Variants in THOC5 observed in about 807,000 individuals in gnomAD.
THOC5 encodes the protein THO complex subunit 5.
Under a neutral mutation model 92.9 loss-of-function variants are expected in THOC5, and 43 were observed. The observed-to-expected ratio is 0.46, with a 90% CI of 0.36 to 0.60. The LOEUF is 0.60. THOC5 is among the 20% of genes least tolerant of loss of function. The pLI is 0.00. For synonymous variants in THOC5, 296 were observed against 320.1 expected (o/e 0.92, Z 0.80); for missense variants, 659 against 849.4 (o/e 0.78, Z 2.79).
At chr22:29,511,328 T>C (rs930410848) in intron 18 of THOC5, 32 bp from the exon 19 acceptor site, 2 of 1,593,946 alleles carry the variant, frequency 1.3e-6, no homozygotes, top group Non-Finnish European at 1.7e-6. Context: ...ATCTCAGCAC[T>C]ACCTTCCTGC....
chr22:29,518,018 CAG>C (rs1466159492), intron 15 of THOC5, among the ~76,000 whole-genome samples: 3 of 152,126 alleles, frequency 2.0e-5, no homozygotes, highest in Non-Finnish European at 4.4e-5. Context: ...CCTTTCCTGA[CAG>C]AGACTCTTTT....
chr22:29,543,803 A>G (rs2063954088), intron 3 of THOC5, among the ~76,000 whole-genome samples: 1 of 152,200 alleles, frequency 6.6e-6, no homozygotes, highest in Admixed American at 6.5e-5. Context: ...GGCACAATCT[A>G]TCTCTACAGA....
chr22:29,528,374 GC>G (rs2063585769), intron 10 of THOC5, 51 bp downstream of exon 10: 7 of 1,613,884 alleles, frequency 4.3e-6, no homozygotes, highest in Non-Finnish European at 5.1e-6. Flanking sequence ...GAACAAGCAT[GC>G]CCCAGTGCAT....
At chr22:29,531,170 A>T in intron 8 of THOC5, 2 of 1,121,210 alleles carry the variant, frequency 1.8e-6, no homozygotes, top group Non-Finnish European at 2.2e-6. Flanking sequence ...GACGAGGAAG[A>T]CACAAGAAGA....
intron 11 of THOC5, 74 bp downstream of exon 11, chr22:29,528,004 G>T: frequency 6.9e-7 from 1 of 1,452,474 alleles, no homozygotes; most frequent in South Asian, 1.2e-5. Context: ...TTTGGCTCCC[G>T]GACCCTCTGC....
intron 11 of THOC5, among the ~76,000 whole-genome samples, chr22:29,526,905 G>A (rs2063556191): frequency 6.6e-6 from 1 of 152,158 alleles, no homozygotes; most frequent in Non-Finnish European, 1.5e-5. Context: ...AATGCACTTT[G>A]AGACCCTGGC....
chr22:29,528,363 C>T (rs774946867), intron 10 of THOC5, 63 bp downstream of exon 10: 13 of 1,613,970 alleles, frequency 8.1e-6, no homozygotes, highest in African/African-American at 4.0e-5. Flanking sequence ...ACGGCACCTG[C>T]GAACAAGCAT....
intron 8 of THOC5, 73 bp downstream of exon 8, chr22:29,531,758 G>A (rs2063659329): frequency 1.9e-6 from 3 of 1,565,000 alleles, no homozygotes; most frequent in Admixed American, 1.8e-5. Context: ...AGCAGGTACT[G>A]CTTCCAACTG....
In THOC5 at chr22:29,507,850, G is replaced by GA. The variant is rs1377568755; in HGVS notation, c.*606dup. On this transcript the variant is annotated 3_prime_UTR_variant, in exon 20 of 20. Coordinates refer to ENST00000490103, the MANE Select transcript of THOC5 (RefSeq NM_003678.5). ...TTTAGGGAGTCAAAAGTTATACACG[G>GA]ATTTTTCAACTGTGCAGGGCAGGGG... 1 of 152,806 alleles carries GA rather than the reference G, an allele frequency of 6.5e-6. No individual in the cohort carries two copies. Among genetic ancestry groups the GA allele is most frequent in the Non-Finnish European group, 1.5e-5 (1 of 68,576 alleles). 9.5% of individuals were successfully genotyped at this position (152,806 alleles called of 1,614,324 possible).
At position 29,526,314 on chromosome 22, in the gene THOC5, T is replaced by C. The variant is rs190896524; in HGVS notation, c.1067-368A>G. 8.6e-3 allele frequency among the ~76,000 whole-genome samples: 1,315 copies of C among 152,142 alleles called. 16 individuals are homozygous for C. The highest frequency in any genetic ancestry group is 0.028 in the African/African-American group (1,156 of 41,516). ...CTGGGAGGCCAAGGTGGGCAGATCA[T>C]GAAGTCAGGAGATCGAGACCATCCT... On this transcript the variant is annotated intron_variant, in intron 11 of 19. Transcript: ENST00000490103.
At position 29,543,415 on chromosome 22, in the gene THOC5, C is replaced by A. The variant is rs760395568; in HGVS notation, c.354+14G>T. 8 of 1,480,220 alleles carry A rather than the reference C, an allele frequency of 5.4e-6. No homozygotes were observed. The highest frequency in any genetic ancestry group is 1.4e-5 in the African/African-American group (1 of 71,288). The allele number at this position is 1,480,220 out of a possible 1,614,324, so 91.7% of individuals were successfully genotyped here. On this transcript the variant is annotated intron_variant, in intron 4 of 19. Coordinates refer to ENST00000490103, the MANE Select transcript of THOC5 (RefSeq NM_003678.5). ...GGAAGGAGGAAGGTTAAAATTAAACCTTTTAACTACTACCTCGTGGGTCTG... is the reference window on the plus strand; with the variant it reads ...GGAAGGAGGAAGGTTAAAATTAAACATTTTAACTACTACCTCGTGGGTCTG...
chr22:29,512,148 G>C lies in THOC5; in HGVS notation c.1682-12C>G, dbSNP rs373707417. On this transcript the variant is annotated splice_polypyrimidine_tract_variant and intron_variant, in intron 17 of 19. Transcript: ENST00000490103. Reference sequence around the variant, plus strand: ...GGCCTGCAGTTTGGCTGGGAAGAGAGGAGAGAGGGGAAATGCGCAGTTCTA... The same window carrying C: ...GGCCTGCAGTTTGGCTGGGAAGAGACGAGAGAGGGGAAATGCGCAGTTCTA... The C allele has an allele frequency of 1.2e-6, 2 of 1,610,364 alleles. No homozygotes were observed. Among genetic ancestry groups the C allele is most frequent in the Non-Finnish European group, 1.7e-6 (2 of 1,176,734 alleles).
At chr22:29,536,870 T>G in intron 6 of THOC5, 132 bp from the exon 7 acceptor site, 1 of 645,814 alleles carries the variant, frequency 1.5e-6, no homozygotes, top group South Asian at 1.8e-5. Context: ...ACTCAATGTG[T>G]GCCAGGTACT....
At chr22:29,551,290 C>T (rs552780197) in intron 1 of THOC5, among the ~76,000 whole-genome samples, 4 of 152,132 alleles carry the variant, frequency 2.6e-5, no homozygotes, top group South Asian at 2.1e-4. Flanking sequence ...AAAAATTAGC[C>T]GGGAGTGGAG....
At chr22:29,543,397 G>C (rs1259274982) in intron 4 of THOC5, 32 bp downstream of exon 4, 2 of 1,387,478 alleles carry the variant, frequency 1.4e-6, no homozygotes, top group Non-Finnish European at 1.0e-6. Context: ...GGAGGAAGGA[G>C]GAAGGTTAAA....
At chr22:29,534,031 T>C (rs574052863) in intron 7 of THOC5, among the ~76,000 whole-genome samples, 1 of 152,234 alleles carries the variant, frequency 6.6e-6, no homozygotes, top group Admixed American at 6.5e-5. Flanking sequence ...CCAAAACACA[T>C]GTATAAGAAT....
chr22:29,523,083 A>G (rs1365858727), intron 12 of THOC5, among the ~76,000 whole-genome samples: 7 of 151,462 alleles, frequency 4.6e-5, no homozygotes, highest in Non-Finnish European at 1.0e-4. Context: ...CTCCACTAAA[A>G]ATACAAAAAT....
chr22:29,532,943 A>G (rs10427614), intron 7 of THOC5, among the ~76,000 whole-genome samples: 30,461 of 152,046 alleles, frequency 0.2, 3,315 homozygotes, highest in East Asian at 0.42. Flanking sequence ...GTACCACTGC[A>G]CTCCAGCCTG....
chr22:29,534,071 A>C (rs1414968074), intron 7 of THOC5, among the ~76,000 whole-genome samples: 1 of 152,206 alleles, frequency 6.6e-6, no homozygotes, highest in African/African-American at 2.4e-5. Flanking sequence ...AAATGGCCCT[A>C]AACCGGAAAC....
Sources: allele counts gnomAD v4.1 joint callset (sites outside exome capture counted in the v4.1 genomes callset), GRCh38; gene constraint gnomAD v4.1.1; transcripts MANE v1.5; gene names NCBI Gene and HGNC (gene_info 2026-07-23, HGNC 2026-07-21).